TAFA1: variants seen among roughly 807,000 people sequenced by gnomAD.
The protein encoded by TAFA1 is TAFA chemokine like family member 1, also known as chemokine-like protein TAFA-1.
A neutral mutation model predicts 18.5 loss-of-function variants in TAFA1; 4 were observed. The ratio of observed to expected loss-of-function variants is 0.22; its 90% CI spans 0.11 to 0.49. TAFA1 has a LOEUF of 0.49. TAFA1 is among the 20% of genes least tolerant of loss of function. The pLI is 0.98. For missense variants in TAFA1, 147 were observed against 169.0 expected (o/e 0.87, Z 0.72); for synonymous variants, 56 against 55.2 (o/e 1.01, Z -0.06).
chr3:68,375,935 T>C (rs2069805006), intron 2 of TAFA1, among the ~76,000 whole-genome samples: 1 of 152,204 alleles, frequency 6.6e-6, no homozygotes, highest in Non-Finnish European at 1.5e-5. Context: ...AGTATTTATA[T>C]ATTTTTAAAG....
At position 68,475,536 on chromosome 3, in the gene TAFA1, C is replaced by T. The variant is rs548588022; in HGVS notation, c.259+58116C>T. On this transcript the variant is annotated intron_variant, in intron 3 of 4. Coordinates refer to ENST00000478136, the MANE Select transcript of TAFA1 (RefSeq NM_213609.4). ...AGTATTCCATGGTGTATATGTGCCA[C>T]ATTTTCTTAATCCAGTCTATCATTG... 2.1e-4 allele frequency among the ~76,000 whole-genome samples: 32 copies of T among 152,276 alleles called. No individual in the cohort carries two copies. In the South Asian group the frequency reaches 2.7e-3, roughly 13 times the overall value.
intron 2 of TAFA1, among the ~76,000 whole-genome samples, chr3:68,370,355 C>T (rs866838692): frequency 8.8e-4 from 51 of 57,762 alleles, no homozygotes; most frequent in African/African-American, 1.6e-3. Flanking sequence ...TATATATATA[C>T]ACACACACAC....
At chr3:68,189,974 AG>A (rs2066318091) in intron 2 of TAFA1, among the ~76,000 whole-genome samples, 1 of 151,910 alleles carries the variant, frequency 6.6e-6, no homozygotes, top group South Asian at 2.1e-4. Flanking sequence ...AGGATAAATT[AG>A]AACAAAGGAA....
chr3:68,093,160 A>T (rs1382865763), intron 2 of TAFA1, among the ~76,000 whole-genome samples: 1 of 152,102 alleles, frequency 6.6e-6, no homozygotes, highest in African/African-American at 2.4e-5. Context: ...TGCTGGAGTG[A>T]GCTGTAGCTG....
intron 3 of TAFA1, among the ~76,000 whole-genome samples, chr3:68,425,304 G>T (rs2071031642): frequency 6.6e-6 from 1 of 151,958 alleles, no homozygotes; most frequent in African/African-American, 2.4e-5. Flanking sequence ...CACAAAGGCT[G>T]GCTGTGGTTC....
At chr3:68,129,675 G>A (rs534042171) in intron 2 of TAFA1, among the ~76,000 whole-genome samples, 1 of 152,118 alleles carries the variant, frequency 6.6e-6, no homozygotes, top group South Asian at 2.1e-4. Context: ...TTTTTTCCTT[G>A]ATGGAAAATT....
At chr3:68,227,970 T>G (rs796763701) in intron 2 of TAFA1, among the ~76,000 whole-genome samples, 5 of 152,286 alleles carry the variant, frequency 3.3e-5, no homozygotes, top group African/African-American at 1.2e-4. Context: ...AGCTGCCTTG[T>G]GGAGAAAACA....
chr3:68,389,898 C>G (rs933036974), intron 2 of TAFA1, among the ~76,000 whole-genome samples: 1 of 152,170 alleles, frequency 6.6e-6, no homozygotes, highest in Non-Finnish European at 1.5e-5. Flanking sequence ...CCTACACCAC[C>G]AGGGCCCTGG....
chr3:68,059,820 T>C (rs571538617), intron 2 of TAFA1, among the ~76,000 whole-genome samples: 3 of 152,318 alleles, frequency 2.0e-5, no homozygotes, highest in South Asian at 2.1e-4. Context: ...TTGGGAATTA[T>C]TAACCCAAGT....
At chr3:68,501,380 G>A (rs750866200) in intron 3 of TAFA1, among the ~76,000 whole-genome samples, 1 of 151,872 alleles carries the variant, frequency 6.6e-6, no homozygotes, top group Admixed American at 6.6e-5. Context: ...ATCCTTTGAG[G>A]AAAAAAGCCA....
At chr3:68,445,420 G>A (rs1351457773) in intron 3 of TAFA1, among the ~76,000 whole-genome samples, 1 of 152,062 alleles carries the variant, frequency 6.6e-6, no homozygotes, top group Admixed American at 6.6e-5. Flanking sequence ...GTTTTAATTA[G>A]TCGACAAATG....
At chr3:68,309,058 A>G (rs1310490308) in intron 2 of TAFA1, among the ~76,000 whole-genome samples, 2 of 152,106 alleles carry the variant, frequency 1.3e-5, no homozygotes, top group African/African-American at 4.8e-5. Flanking sequence ...ACAGATCTGC[A>G]CATTGCTAAT....
At chr3:68,513,930 G>C (rs1273055763) in intron 3 of TAFA1, among the ~76,000 whole-genome samples, 1 of 152,060 alleles carries the variant, frequency 6.6e-6, no homozygotes, top group African/African-American at 2.4e-5. Context: ...TACCAAATGG[G>C]GTGGCTTATA....
chr3:68,003,137 G>T (rs1424372546), upstream of TAFA1, among the ~76,000 whole-genome samples: 1 of 152,190 alleles, frequency 6.6e-6, no homozygotes, highest in African/African-American at 2.4e-5. Flanking sequence ...AAGATTTAGA[G>T]AACAGTTGTT....
chr3:68,508,402 A>G (rs1404901352), intron 3 of TAFA1, among the ~76,000 whole-genome samples: 5 of 152,070 alleles, frequency 3.3e-5, no homozygotes, highest in Non-Finnish European at 7.4e-5. Context: ...ATCTTTTACA[A>G]CAGTTATTGA....
intron 2 of TAFA1, among the ~76,000 whole-genome samples, chr3:68,007,227 C>G (rs1303551513): frequency 6.6e-6 from 1 of 152,194 alleles, no homozygotes; most frequent in Non-Finnish European, 1.5e-5. Flanking sequence ...TCTTTCCTTT[C>G]TCCCTTCCTT....
intron 3 of TAFA1, among the ~76,000 whole-genome samples, chr3:68,451,076 T>C (rs1479780416): frequency 6.6e-6 from 1 of 152,200 alleles, no homozygotes; most frequent in African/African-American, 2.4e-5. Flanking sequence ...ACTTCATTAC[T>C]ATGAAACTAT....
chr3:68,516,314 C>T (rs2072919538), intron 3 of TAFA1, among the ~76,000 whole-genome samples: 1 of 152,074 alleles, frequency 6.6e-6, no homozygotes. Flanking sequence ...CCAAATTCAG[C>T]GATTAACTGT....
chr3:68,487,558 T>C (rs935330197), intron 3 of TAFA1, among the ~76,000 whole-genome samples: 1 of 151,796 alleles, frequency 6.6e-6, no homozygotes, highest in Non-Finnish European at 1.5e-5. Context: ...CCATCCTGGC[T>C]AACACGGTGA....
Sources: gnomAD v4.1 joint callset for allele counts (sites outside exome capture counted in the v4.1 genomes callset) on GRCh38, gnomAD v4.1.1 for gene constraint, MANE v1.5 for transcripts, NCBI Gene and HGNC (gene_info 2026-07-23, HGNC 2026-07-21) for gene names.